The following TBL1XR1 variants were observed in gnomAD, a reference collection of about 807,000 sequenced individuals.
The protein encoded by TBL1XR1 is F-box-like/WD repeat-containing protein TBL1XR1.
TBL1XR1 carries 5 observed loss-of-function variants against 66.9 expected under a neutral mutation model. That is an observed-to-expected ratio of 0.07 (90% CI 0.04 to 0.16). The LOEUF (loss-of-function observed/expected upper bound fraction) is 0.16. TBL1XR1 is among the 10% of genes least tolerant of loss of function. The pLI, the probability that TBL1XR1 is intolerant of heterozygous loss-of-function variation, is 1.00. For synonymous variants in TBL1XR1, 210 were observed against 206.0 expected, an observed-to-expected ratio of 1.02 and a Z score of -0.17; for missense variants, 238 against 623.2, an observed-to-expected ratio of 0.38 and a Z score of 6.58.
chr3:177,071,923 T>G (rs1720067246), intron 2 of TBL1XR1, among the ~76,000 whole-genome samples: 1 of 152,152 alleles, frequency 6.6e-6, no homozygotes, highest in African/African-American at 2.4e-5. Flanking sequence ...AAATGTACTA[T>G]TTAAAAAACA....
intron 2 of TBL1XR1, 82 bp downstream of exon 2, chr3:177,098,384 T>G (rs1056451625): frequency 3.9e-5 from 32 of 822,672 alleles, no homozygotes; most frequent in Non-Finnish European, 4.5e-5. Flanking sequence ...TTTGTCAAAT[T>G]GTGAGAAACT....
intron 2 of TBL1XR1, among the ~76,000 whole-genome samples, chr3:177,081,722 G>C (rs1018299070): frequency 1.5e-5 from 2 of 136,582 alleles, no homozygotes; most frequent in African/African-American, 5.6e-5. Flanking sequence ...AGCCTGACTA[G>C]ATAAGGCAAG....
intron 1 of TBL1XR1, among the ~76,000 whole-genome samples, chr3:177,116,147 G>A (rs542038118): frequency 1.3e-5 from 2 of 152,218 alleles, no homozygotes; most frequent in South Asian, 4.1e-4. Context: ...CTCACAATTT[G>A]TTTAAAATGG....
intron 2 of TBL1XR1, among the ~76,000 whole-genome samples, chr3:177,068,103 A>G (rs922585151): frequency 3.3e-5 from 5 of 152,214 alleles, no homozygotes; most frequent in African/African-American, 9.6e-5. Context: ...GCATAAATGA[A>G]GTCCTGCCCT....
intron 7 of TBL1XR1, 68 bp downstream of exon 7, chr3:177,049,929 G>GT (rs1221062440): frequency 2.6e-6 from 4 of 1,539,358 alleles, no homozygotes; most frequent in East Asian, 2.3e-5. Flanking sequence ...AAACCCTGCC[G>GT]TGAGTATGAG....
At chr3:177,121,131 A>T (rs193038333) in intron 1 of TBL1XR1, among the ~76,000 whole-genome samples, 2 of 152,226 alleles carry the variant, frequency 1.3e-5, no homozygotes, top group Admixed American at 1.3e-4. Flanking sequence ...GAATTCTAAC[A>T]TTTTCATTCC....
chr3:177,103,178 C>T (rs1008147852), intron 1 of TBL1XR1, among the ~76,000 whole-genome samples: 1 of 152,116 alleles, frequency 6.6e-6, no homozygotes, highest in African/African-American at 2.4e-5. Flanking sequence ...TTGAGAGAAC[C>T]TGGTTATATA....
chr3:177,111,334 G>A (rs148486495), intron 1 of TBL1XR1, among the ~76,000 whole-genome samples: 3,354 of 150,368 alleles, frequency 0.022, 146 homozygotes, highest in African/African-American at 0.078. Context: ...GTGCAGTGGC[G>A]CTATCTCGGC....
Position 177,187,943 on chromosome 3 carries a change from CTTTTT to C in TBL1XR1, c.-122+9173_-122+9177del, listed in dbSNP as rs571361204. On this transcript the variant is annotated intron_variant, in intron 1 of 15. Coordinates refer to ENST00000457928, the MANE Select transcript of TBL1XR1 (RefSeq NM_024665.7). ...GCTTGAGAGTCCAGAGTACAATTTC[CTTTTT>C]TTTTTTTTTTTTTTTTTTTGAGATG... Among the ~76,000 whole-genome samples, 1,109 of 77,774 alleles carry C rather than the reference CTTTTT, an allele frequency of 0.014. 30 individuals are homozygous for C. In the East Asian group the frequency reaches 0.17, roughly 12 times the overall value. The allele number at this position is 77,774 out of a possible 152,430, so 51.0% of individuals were successfully genotyped here. A position where few individuals can be genotyped will look rare whatever the true frequency, so the allele number is the denominator to read the frequency against.
At chr3:177,134,959 GTGTGTGTC>G (rs1334517234) in intron 1 of TBL1XR1, among the ~76,000 whole-genome samples, 60 of 138,976 alleles carry the variant, frequency 4.3e-4, no homozygotes, top group African/African-American at 1.2e-3. Flanking sequence ...GTGTGTGTGT[GTGTGTGTC>G]TGTGTGTGTG....
In TBL1XR1 at chr3:177,189,568, T is replaced by C. The variant is rs959729743; in HGVS notation, c.-122+7553A>G. On this transcript the variant is annotated intron_variant, in intron 1 of 15. Transcript: ENST00000457928. ...TACTTGGGAGGCTAAGGCAGGAGAA[T>C]CGCTTGAACCCAGGGGGCGGAGGTT... 4.7e-5 allele frequency among the ~76,000 whole-genome samples: 7 copies of C among 148,170 alleles called. No individual in the cohort carries two copies. In the Admixed American group the frequency reaches 4.7e-4, roughly 10 times the overall value.
At chr3:177,113,941 T>TA (rs1043758688) in intron 1 of TBL1XR1, among the ~76,000 whole-genome samples, 102 of 151,568 alleles carry the variant, frequency 6.7e-4, no homozygotes, top group South Asian at 6.3e-4. Flanking sequence ...TGAAGGTTTC[T>TA]AAAAAAAAAT....
At chr3:177,046,913 C>T (rs1227014886) in intron 9 of TBL1XR1, among the ~76,000 whole-genome samples, 11 of 152,120 alleles carry the variant, frequency 7.2e-5, no homozygotes, top group African/African-American at 2.4e-5. Context: ...TAGACAGATC[C>T]TGCATTTCAT....
intron 12 of TBL1XR1, 168 bp downstream of exon 12, chr3:177,037,930 A>G (rs1042666703): frequency 1.7e-6 from 1 of 583,842 alleles, no homozygotes; most frequent in African/African-American, 1.9e-5. Context: ...TATTTCAGAA[A>G]AGAAACTATA....
rs927380952 is a variant in TBL1XR1 at position 177,022,976 on chromosome 3, T to G, written c.*2522A>C. The G allele has an allele frequency of 5.3e-5, 8 of 152,094 alleles. No homozygotes were observed. Among genetic ancestry groups the G allele is most frequent in the Non-Finnish European group, 8.8e-5 (6 of 67,910 alleles). 9.4% of individuals were successfully genotyped at this position (152,094 alleles called of 1,614,324 possible). On this transcript the variant is annotated 3_prime_UTR_variant, in exon 16 of 16. Coordinates refer to ENST00000457928, the MANE Select transcript of TBL1XR1 (RefSeq NM_024665.7). ...AGCTCTGTATTTATAATCTTTTATA[T>G]GTCCTATTGTGGCTATTATGCTTAA...
rs199780816 is a variant in TBL1XR1 at position 177,196,742 on chromosome 3, C to G, written c.-122+379G>C. On this transcript the variant is annotated intron_variant, in intron 1 of 15. Coordinates refer to ENST00000457928, the MANE Select transcript of TBL1XR1 (RefSeq NM_024665.7). ...AATCCTTTCCTGAAAGCCTCCCCCC[C>G]CAAACACACACGCACAAAAAGGGGG... Among the ~76,000 whole-genome samples, 6 of 151,416 alleles carry G rather than the reference C, an allele frequency of 4.0e-5. No homozygotes were observed. The East Asian group carries it at 5.9e-4, about 15-fold the overall frequency.
Position 177,022,752 on chromosome 3 carries a change from C to G in TBL1XR1, c.*2746G>C, listed in dbSNP as rs1333984343. 1 of 152,476 alleles carries G rather than the reference C, an allele frequency of 6.6e-6. No homozygotes were observed. Among genetic ancestry groups the G allele is most frequent in the African/African-American group, 2.4e-5 (1 of 41,430 alleles). 9.4% of individuals were successfully genotyped at this position (152,476 alleles called of 1,614,324 possible). On this transcript the variant is annotated 3_prime_UTR_variant, in exon 16 of 16. Coordinates refer to ENST00000457928, the MANE Select transcript of TBL1XR1 (RefSeq NM_024665.7). ...ACAAGCTGTGAAACTTGGTCTCTTG[C>G]AATCATGTTACTGCTCAAATTAGAG... is the stretch of plus-strand genomic sequence containing the variant.
rs1480184937 is a variant in TBL1XR1 at position 177,142,219 on chromosome 3, A to G, written c.-121-43678T>C. 1.3e-5 allele frequency among the ~76,000 whole-genome samples: 2 copies of G among 152,224 alleles called. 1 individual carries two copies. Reference sequence around the variant, plus strand: ...TCAGGGTGAACCAGTGGTGTTTGACAGCAATTTTAGTGGAAGCAGCAGCAG... The same window carrying G: ...TCAGGGTGAACCAGTGGTGTTTGACGGCAATTTTAGTGGAAGCAGCAGCAG... On this transcript the variant is annotated intron_variant, in intron 1 of 15. Coordinates refer to ENST00000457928, the MANE Select transcript of TBL1XR1 (RefSeq NM_024665.7).
At chr3:177,184,453 C>G (rs1465441501) in intron 1 of TBL1XR1, among the ~76,000 whole-genome samples, 1 of 152,152 alleles carries the variant, frequency 6.6e-6, no homozygotes, top group Non-Finnish European at 1.5e-5. Context: ...CAACCAAAAC[C>G]TCCTAAAGTT....
Sources: gnomAD v4.1 joint callset for allele counts (sites outside exome capture counted in the v4.1 genomes callset) on GRCh38, gnomAD v4.1.1 for gene constraint, MANE v1.5 for transcripts, NCBI Gene and HGNC (gene_info 2026-07-23, HGNC 2026-07-21) for gene names.